Variants in YJU2 observed in about 807,000 individuals in gnomAD.
YJU2 encodes splicing factor YJU2.
In YJU2, 28 loss-of-function variants were observed where a neutral mutation model predicts 39.6. The ratio of observed to expected loss-of-function variants is 0.71; its 90% confidence interval spans 0.52 to 0.97. YJU2 has a LOEUF of 0.97. Among genes scored for constraint, YJU2 ranks in the 50% least tolerant of loss-of-function variants. YJU2 has a pLI of 0.00. For synonymous variants in YJU2, 184 were observed against 182.4 expected, an observed-to-expected ratio of 1.01 and a Z score of -0.07; for missense variants, 328 against 430.4, an observed-to-expected ratio of 0.76 and a Z score of 2.11.
rs369692539 is a variant in YJU2 at position 4,268,634 on chromosome 19, G to T, written c.910G>T (p.Ala304Ser). 1.1e-5 allele frequency: 17 copies of T among 1,613,912 alleles called. No individual in the cohort carries two copies. The highest frequency in any genetic ancestry group is 1.4e-5 in the Non-Finnish European group (17 of 1,179,942). The change falls in exon 8 of 8, where the codon GCG becomes TCG. Residue 304 changes from alanine (A) to serine (S), a missense_variant. This residue lies in a region of YJU2 where 244 missense variants were observed against 264.6 expected (regional missense o/e 0.92). Coordinates refer to ENST00000262962, the MANE Select transcript of YJU2 (RefSeq NM_018074.6). ...CAACCCTACACCCCTGACGCCTGGC[G>T]CGTCCTCCCTGAGCCAACTGGGTGC... is the stretch of plus-strand genomic sequence containing the variant. The part of the protein sequence containing the change: ...EANPTPLTPG[A>S]SSLSQLGAYL...
At chr19:4,250,851 G>GT (rs1402665059) in intron 2 of YJU2, among the ~76,000 whole-genome samples, 176 bp from the exon 3 acceptor site, 6 of 152,074 alleles carry the variant, frequency 3.9e-5, no homozygotes, top group African/African-American at 1.4e-4. Flanking sequence ...ATGAGAACAC[G>GT]AAGTTCTCAG....
intron 5 of YJU2, 21 bp downstream of exon 5, chr19:4,258,444 C>A: frequency 6.4e-7 from 1 of 1,561,938 alleles, no homozygotes; most frequent in Non-Finnish European, 8.7e-7. Context: ...GCCGGCCCAA[C>A]CCAGCCCCAC....
chr19:4,260,426 TA>T, intron 5 of YJU2, among the ~76,000 whole-genome samples: 1 of 151,136 alleles, frequency 6.6e-6, no homozygotes, highest in East Asian at 2.0e-4. Context: ...AGATTCCTCC[TA>T]AAAAAAATGA....
chr19:4,264,589 C>T (rs1453800111), intron 6 of YJU2, among the ~76,000 whole-genome samples: 3 of 151,598 alleles, frequency 2.0e-5, no homozygotes, highest in East Asian at 1.9e-4. Context: ...CGGGTTCAAG[C>T]GATTCTACTG....
intron 2 of YJU2, 86 bp from the exon 3 acceptor site, chr19:4,250,941 G>A: frequency 6.8e-7 from 1 of 1,476,128 alleles, no homozygotes; most frequent in Non-Finnish European, 9.3e-7. Flanking sequence ...CAAGCAAGCA[G>A]TGATCTTGCA....
chr19:4,254,256 TA>T, intron 3 of YJU2, 98 bp from the exon 4 acceptor site: 1 of 876,102 alleles, frequency 1.1e-6, no homozygotes, highest in South Asian at 1.4e-5. Context: ...GTAGAACCAG[TA>T]AAAATCAGAG....
At chr19:4,257,381 C>T (rs34674639) in intron 4 of YJU2, among the ~76,000 whole-genome samples, 48,891 of 152,108 alleles carry the variant, frequency 0.32, 8,138 homozygotes, top group South Asian at 0.46. Context: ...CAACCTCTGC[C>T]TCCTGGGTTC....
chr19:4,254,516 ATGGGCGCTG>A, intron 4 of YJU2, 27 bp downstream of exon 4: 1 of 1,552,208 alleles, frequency 6.4e-7, no homozygotes, highest in Non-Finnish European at 8.7e-7. Flanking sequence ...GTAGGTGTTC[ATGGGCGCTG>A]TGTGTGTGGG....
At chr19:4,258,444 C>G (rs1403507421) in intron 5 of YJU2, 21 bp downstream of exon 5, 3 of 1,561,938 alleles carry the variant, frequency 1.9e-6, no homozygotes, top group Non-Finnish European at 2.6e-6. Flanking sequence ...GCCGGCCCAA[C>G]CCAGCCCCAC....
intron 1 of YJU2, 172 bp downstream of exon 1, chr19:4,247,342 G>A (rs767889115): frequency 1.2e-5 from 7 of 587,102 alleles, no homozygotes; most frequent in African/African-American, 3.8e-5. Flanking sequence ...CTTCCGTCGG[G>A]GGGGTGGGCC....
At chr19:4,266,752 C>T (rs540368566) in intron 6 of YJU2, among the ~76,000 whole-genome samples, 73 of 152,280 alleles carry the variant, frequency 4.8e-4, no homozygotes, top group Non-Finnish European at 7.5e-4. Flanking sequence ...GACGCTGAGA[C>T]GGGAGGATCG....
At chr19:4,268,459 G>A in intron 7 of YJU2, 125 bp from the exon 8 acceptor site, 2 of 642,786 alleles carry the variant, frequency 3.1e-6, no homozygotes, top group East Asian at 5.5e-5. Context: ...CATCCAGAAA[G>A]GCCAGGCCAT....
chr19:4,262,120 TG>T lies in YJU2; in HGVS notation c.708+10del. The T allele has an allele frequency of 1.2e-6, 2 of 1,604,322 alleles. No homozygotes were observed. On this transcript the variant is annotated splice_region_variant and intron_variant, in intron 6 of 7. Transcript: ENST00000262962. Reference sequence around the variant, plus strand: ...CCACCGCCATCCTGGATGAGGTAAGTGGGGTGCCTGAGTCCTGGGGGCTCCC... The same window carrying T: ...CCACCGCCATCCTGGATGAGGTAAGTGGGTGCCTGAGTCCTGGGGGCTCCC...
chr19:4,251,236 TGGG>T, intron 3 of YJU2, 65 bp downstream of exon 3: 1 of 1,519,006 alleles, frequency 6.6e-7, no homozygotes, highest in African/African-American at 1.4e-5. Context: ...GGGCGGGCCC[TGGG>T]GTTCCTTAAC....
chr19:4,261,926 C>G, intron 5 of YJU2, 68 bp from the exon 6 acceptor site: 1 of 1,559,856 alleles, frequency 6.4e-7, no homozygotes, highest in Non-Finnish European at 8.7e-7. Context: ...CTCGCCACCC[C>G]AGCAGGTACA....
rs1438891712 is a variant in YJU2, at chr19:4,258,265, C to T, written c.429C>T (p.Asp143=). ...PMKVLENRTK[D]SKLEMEVLEN... ...AGGTGCTGGAGAACCGGACCAAGGA[C>T]TCCAAGCTGGAGATGGAGGTGCTGG... The change falls in exon 5 of 8, where the codon GAC becomes GAT. Residue 143 remains aspartate, a synonymous_variant. Transcript: ENST00000262962. The T allele has an allele frequency of 6.4e-7, 1 of 1,554,834 alleles. No individual in the cohort carries two copies. The highest frequency in any genetic ancestry group is 1.4e-5 in the African/African-American group (1 of 73,470).
At chr19:4,251,838 T>A (rs1970979458) in intron 3 of YJU2, among the ~76,000 whole-genome samples, 1 of 149,792 alleles carries the variant, frequency 6.7e-6, no homozygotes, top group African/African-American at 2.5e-5. Context: ...AATACAAAAG[T>A]GAGCCAGGCG....
intron 3 of YJU2, among the ~76,000 whole-genome samples, chr19:4,253,197 C>CTACA (rs1201672759): frequency 3.1e-5 from 3 of 98,220 alleles, no homozygotes; most frequent in Non-Finnish European, 5.9e-5. Context: ...CTGTCCGTGT[C>CTACA]TACACACACA....
At chr19:4,252,425 C>T (rs184729795) in intron 3 of YJU2, among the ~76,000 whole-genome samples, 56 of 140,168 alleles carry the variant, frequency 4.0e-4, no homozygotes, top group African/African-American at 1.5e-3. Context: ...AGTGAAACCC[C>T]GTCTCTACTA....
Sources: gnomAD v4.1 joint callset for allele counts (sites outside exome capture counted in the v4.1 genomes callset) on GRCh38, gnomAD v4.1.1 for gene constraint, gnomAD v4.1.1 regional missense constraint, MANE v1.5 for transcripts, NCBI Gene and HGNC (gene_info 2026-07-23, HGNC 2026-07-21) for gene names.